Variants in ABTB1 observed in about 807,000 individuals in gnomAD.
ABTB1 encodes ankyrin repeat and BTB domain containing 1, also known as ankyrin repeat and BTB/POZ domain-containing protein 1.
ABTB1 carries 45 observed loss-of-function variants against 57.1 expected under a neutral mutation model. That is an observed-to-expected ratio of 0.79 (90% CI 0.62 to 1.01). ABTB1 has a LOEUF of 1.01. Among genes scored for constraint, ABTB1 ranks in the 50% least tolerant of loss-of-function variants. ABTB1 has a pLI of 0.00. For missense variants in ABTB1, 630 were observed against 666.3 expected (o/e 0.95, Z 0.60); for synonymous variants, 302 against 275.4 (o/e 1.10, Z -0.95).
Position 127,680,552 on chromosome 3 carries a change from C to T in ABTB1, c.*77C>T, listed in dbSNP as rs1438205078. The T allele has an allele frequency of 2.0e-6, 3 of 1,535,074 alleles. No individual in the cohort carries two copies. The highest frequency in any genetic ancestry group is 1.1e-5 in the South Asian group (1 of 89,330). On this transcript the variant is annotated 3_prime_UTR_variant, in exon 12 of 12. Coordinates refer to ENST00000232744, the MANE Select transcript of ABTB1 (RefSeq NM_172027.3). ...GTGTATGCGTTTGTGTGCAGCTCTTCTTCCTGCTCCCTGCACATTGAGGGC... is the reference window on the plus strand; with the variant it reads ...GTGTATGCGTTTGTGTGCAGCTCTTTTTCCTGCTCCCTGCACATTGAGGGC...
chr3:127,679,573 C>A, intron 10 of ABTB1: 1 of 462,560 alleles, frequency 2.2e-6, no homozygotes, highest in South Asian at 1.5e-5. Flanking sequence ...ATTCTGACAG[C>A]CCCCGCAGGT....
chr3:127,675,234 G>A (rs1317947833), intron 3 of ABTB1, among the ~76,000 whole-genome samples: 1 of 149,632 alleles, frequency 6.7e-6, no homozygotes, highest in Non-Finnish European at 1.5e-5. Flanking sequence ...CCTTCATTCA[G>A]TGCCATTCTT....
chr3:127,677,274 C>G lies in ABTB1; in HGVS notation c.750C>G (p.Pro250=), dbSNP rs770376296. ...DMALLADCAL[P]PELRGDLWEL... ...CGCTGCTGGCCGATTGTGCCCTGCC[C>G]CCCGAGCTCCGAGTAAGTGCGGGGC... Residue 250 remains proline, a synonymous_variant, in exon 8 of 12, where the codon CCC becomes CCG. Transcript: ENST00000232744. 3 of 1,589,942 alleles carry G rather than the reference C, an allele frequency of 1.9e-6. No homozygotes were observed. Among genetic ancestry groups the G allele is most frequent in the Non-Finnish European group, 2.6e-6 (3 of 1,168,948 alleles).
At chr3:127,680,243 A>G in intron 11 of ABTB1, 26 bp from the exon 12 acceptor site, 1 of 1,613,332 alleles carries the variant, frequency 6.2e-7, no homozygotes, top group Non-Finnish European at 8.5e-7. Flanking sequence ...GCACCCCTCC[A>G]CTGAGCTGGC....
chr3:127,679,952 CG>C (rs776237100), intron 10 of ABTB1, 32 bp from the exon 11 acceptor site: 1 of 1,608,808 alleles, frequency 6.2e-7, no homozygotes. Context: ...TTGGTGACCT[CG>C]GGGGGCACCT....
rs989858882 is a variant in ABTB1 at position 127,674,566 on chromosome 3, G to A, written c.141G>A (p.Gly47=). ...TCAGGTACTATGCCTGCTTGTGTGG[G>A]CACGAGGAGCTGGTACTCTACCTTC... ...STPLYYACLC[G]HEELVLYLLA... The change falls in exon 3 of 12, where the codon GGG becomes GGA. Residue 47 remains glycine (G), a synonymous_variant. Transcript: ENST00000232744. 20 of 1,614,056 alleles carry A rather than the reference G, an allele frequency of 1.2e-5. No individual in the cohort carries two copies. Among genetic ancestry groups the A allele is most frequent in the Non-Finnish European group, 1.7e-5 (20 of 1,180,038 alleles).
rs376883715 is a variant in ABTB1 at position 127,676,618 on chromosome 3, G to A, written c.526+37G>A. 6 of 1,611,408 alleles carry A rather than the reference G, an allele frequency of 3.7e-6. No homozygotes were observed. Among genetic ancestry groups the A allele is most frequent in the Non-Finnish European group, 5.1e-6 (6 of 1,178,916 alleles). On this transcript the variant is annotated intron_variant, in intron 6 of 11. Coordinates refer to ENST00000232744, the MANE Select transcript of ABTB1 (RefSeq NM_172027.3). The surrounding 1 kb of genome is among the most constrained non-coding windows in gnomAD (Gnocchi z 5.4). Reference sequence around the variant, plus strand: ...GGTCCAGGGTAGGAGGAGAGGGAGTGGGCCGTCCTTCTGGACAGCAGTACA... The same window carrying A: ...GGTCCAGGGTAGGAGGAGAGGGAGTAGGCCGTCCTTCTGGACAGCAGTACA...
At chr3:127,674,641 A>ATGCATGTGTGCGTGTGGG in intron 3 of ABTB1, 41 bp downstream of exon 3, 1 of 1,612,322 alleles carries the variant, frequency 6.2e-7, no homozygotes, top group Non-Finnish European at 8.5e-7. Flanking sequence ...GCGTGGGTGC[A>ATGCATGTGTGCGTGTGGG]TGCATGTGTG....
chr3:127,679,412 A>G (rs1305652732), intron 10 of ABTB1: 4 of 401,290 alleles, frequency 1.0e-5, no homozygotes, highest in Admixed American at 2.6e-5. Context: ...TCTGGCCTGA[A>G]TCTGAGGGCT....
chr3:127,677,957 G>T (rs1374920985), intron 10 of ABTB1, 114 bp downstream of exon 10: 2 of 1,341,336 alleles, frequency 1.5e-6, no homozygotes, highest in East Asian at 4.9e-5. Flanking sequence ...CATGGTTGAC[G>T]TTTTGAGAAG....
Position 127,676,111 on chromosome 3 carries a change from A to G in ABTB1, c.317A>G (p.Gln106Arg). 1 of 1,613,128 alleles carries G rather than the reference A, an allele frequency of 6.2e-7. No homozygotes were observed. The highest frequency in any genetic ancestry group is 8.5e-7 in the Non-Finnish European group (1 of 1,179,916). The stretch of plus-strand genomic sequence containing the variant: ...CGGGATTACTATGACGACTTCTTGC[A>G]GCGGTGAGCCAGGGCACACGAGGGG... The part of the protein sequence containing the change: ...RRRDYYDDFL[Q>R]RLLEQGIHSD... Residue 106 changes from glutamine (Q) to arginine (R), a missense_variant, in exon 4 of 12, where the codon CAG becomes CGG. By Grantham distance (43) the Gln-to-Arg change is conservative (BLOSUM62 1). Around this residue, in one of 3 missense-constraint regions of ABTB1, gnomAD observed 579 missense variants for 585.9 expected, o/e 0.99. Transcript: ENST00000232744. The surrounding 1 kb of genome is among the most constrained non-coding windows in gnomAD (Gnocchi z 5.4).
At position 127,676,545 on chromosome 3, in the gene ABTB1, G is replaced by A. The variant is rs372008637; in HGVS notation, c.490G>A (p.Val164Met). The A allele has an allele frequency of 1.7e-5, 28 of 1,614,000 alleles. No homozygotes were observed. Among genetic ancestry groups the A allele is most frequent in the African/African-American group, 1.5e-4 (11 of 74,898 alleles). Residue 164 changes from valine (V) to methionine (M), a missense_variant, in exon 6 of 12, where the codon GTG (valine) becomes ATG (methionine). By Grantham distance (21) the Val-to-Met change is conservative (BLOSUM62 1). Around this residue, in one of 3 missense-constraint regions of ABTB1, gnomAD observed 579 missense variants for 585.9 expected, o/e 0.99. Transcript: ENST00000232744. The surrounding 1 kb of genome is among the most constrained non-coding windows in gnomAD (Gnocchi z 5.4). ...VVLRHPLINPVAFGALLQYLY... is the reference protein window; with the variant it reads ...VVLRHPLINPMAFGALLQYLY... ...GGTTTTCTGCCCACAGATCAACCCC[G>A]TGGCCTTTGGGGCCCTGCTGCAGTA...
intron 3 of ABTB1, chr3:127,675,741 C>T (rs985811948): frequency 1.7e-6 from 1 of 593,446 alleles, no homozygotes; most frequent in East Asian, 2.8e-5. Flanking sequence ...TCTGTGTTGT[C>T]TGTCTTCCGT....
Position 127,680,566 on chromosome 3 carries a change from C to T in ABTB1, c.*91C>T. On this transcript the variant is annotated 3_prime_UTR_variant, in exon 12 of 12. Transcript: ENST00000232744. ...GTGCAGCTCTTCTTCCTGCTCCCTG[C>T]ACATTGAGGGCTTCATGGGGGGTGC... is the stretch of plus-strand genomic sequence containing the variant. 2 of 1,481,440 alleles carry T rather than the reference C, an allele frequency of 1.4e-6. No homozygotes were observed. Among genetic ancestry groups the T allele is most frequent in the Non-Finnish European group, 1.9e-6 (2 of 1,074,680 alleles). 91.8% of individuals were successfully genotyped at this position (1,481,440 alleles called of 1,614,324 possible).
intron 10 of ABTB1, chr3:127,679,673 G>C: frequency 1.8e-6 from 1 of 542,754 alleles, no homozygotes; most frequent in East Asian, 4.4e-5. Flanking sequence ...AGAAGTGTCA[G>C]ACCCAGGTCT....
At chr3:127,679,945 G>A (rs1192045811) in intron 10 of ABTB1, 40 bp from the exon 11 acceptor site, 1 of 1,604,208 alleles carries the variant, frequency 6.2e-7, no homozygotes, top group Non-Finnish European at 8.5e-7. Flanking sequence ...GGAGCCCTTG[G>A]TGACCTCGGG....
chr3:127,675,264 C>CTTTTT (rs1170878832), intron 3 of ABTB1, among the ~76,000 whole-genome samples: 15 of 123,828 alleles, frequency 1.2e-4, no homozygotes, highest in African/African-American at 2.2e-4. Context: ...TTGGTTTTTT[C>CTTTTT]TTTTTTTTTT....
chr3:127,673,061 G>A lies in ABTB1; in HGVS notation c.36G>A (p.Lys12=). The change falls in exon 1 of 12, where the codon AAG becomes AAA. Residue 12 remains lysine (K), a synonymous_variant. Transcript: ENST00000232744. ...GCGACCTGTTCGCCAGCTGCAGGAA[G>A]GGGGATGTGGGCCGAGTGCGGTGAG... ...DTSDLFASCR[K]GDVGRVRYLL... 1 of 1,576,456 alleles carries A rather than the reference G, an allele frequency of 6.3e-7. No homozygotes were observed. The highest frequency in any genetic ancestry group is 2.4e-5 in the East Asian group (1 of 41,504).
At chr3:127,675,551 T>C (rs2074960593) in intron 3 of ABTB1, 1 of 197,406 alleles carries the variant, frequency 5.1e-6, no homozygotes, top group Non-Finnish European at 1.1e-5. Flanking sequence ...AGTGCCTGGA[T>C]TATAGGTGTG....
Sources: allele counts gnomAD v4.1 joint callset (sites outside exome capture counted in the v4.1 genomes callset), GRCh38; gene constraint gnomAD v4.1.1; regional missense constraint gnomAD v4.1.1; non-coding constraint Gnocchi (gnomAD v3.1); transcripts MANE v1.5; gene names NCBI Gene and HGNC (gene_info 2026-07-23, HGNC 2026-07-21).